The following ST8SIA6 variants were observed in gnomAD, a reference collection of about 807,000 sequenced individuals.
The protein encoded by ST8SIA6 is ST8 alpha-N-acetyl-neuraminide alpha-2,8-sialyltransferase 6.
In ST8SIA6, 39 loss-of-function variants were observed where a neutral mutation model predicts 33.6. That is an observed-to-expected ratio of 1.16 (90% CI 0.90 to 1.52). The LOEUF is 1.52. Ranked by LOEUF, ST8SIA6 falls within the 40% of genes most tolerant of loss-of-function variation. The pLI, the probability that ST8SIA6 is intolerant of heterozygous loss-of-function variation, is 0.00. For missense variants in ST8SIA6, 441 were observed against 443.8 expected (o/e 0.99, Z 0.06); for synonymous variants, 172 against 167.2 (o/e 1.03, Z -0.22).
intron 3 of ST8SIA6, among the ~76,000 whole-genome samples, chr10:17,378,200 C>T (rs1252164702): frequency 6.6e-6 from 1 of 152,206 alleles, no homozygotes; most frequent in Non-Finnish European, 1.5e-5. Flanking sequence ...CATTAGCATA[C>T]CGCAGTTAAC....
At chr10:17,347,524 G>T (rs550573467) in intron 4 of ST8SIA6, among the ~76,000 whole-genome samples, 1 of 152,042 alleles carries the variant, frequency 6.6e-6, no homozygotes, top group African/African-American at 2.4e-5. Flanking sequence ...ACGGGATCAC[G>T]TTGCAGAATC....
At chr10:17,376,378 G>C (rs1008004714) in intron 3 of ST8SIA6, among the ~76,000 whole-genome samples, 1 of 151,996 alleles carries the variant, frequency 6.6e-6, no homozygotes, top group African/African-American at 2.4e-5. Flanking sequence ...AGACTTCCGA[G>C]AGCTTTTATT....
intron 2 of ST8SIA6, among the ~76,000 whole-genome samples, chr10:17,406,774 T>C (rs1851278608): frequency 2.0e-5 from 3 of 151,222 alleles, no homozygotes; most frequent in Non-Finnish European, 2.9e-5. Flanking sequence ...TCTACATTTC[T>C]GAAACCGAGG....
intron 3 of ST8SIA6, among the ~76,000 whole-genome samples, chr10:17,372,274 A>G (rs1004486226): frequency 1.3e-5 from 2 of 152,248 alleles, no homozygotes; most frequent in African/African-American, 4.8e-5. Flanking sequence ...TAAAATAAGT[A>G]ACAAAAAGTG....
intron 2 of ST8SIA6, among the ~76,000 whole-genome samples, 188 bp from the exon 3 acceptor site, chr10:17,390,808 A>AAAAAC (rs1314284025): frequency 2.0e-5 from 3 of 151,144 alleles, no homozygotes; most frequent in South Asian, 2.1e-4. Flanking sequence ...TGAAAAAAAA[A>AAAAAC]ACAAAAAACT....
chr10:17,370,133 A>G (rs1201808774), intron 3 of ST8SIA6, among the ~76,000 whole-genome samples: 1 of 151,868 alleles, frequency 6.6e-6, no homozygotes, highest in Non-Finnish European at 1.5e-5. Flanking sequence ...GGCGCCCGCC[A>G]CCACACCTGG....
rs534018432 is a variant in ST8SIA6, at chr10:17,333,521, G to A, written c.378-1969C>T. ...ACAAGGCTACAGTAACCAAAACAGC[G>A]TGGTACTGGTACCAAAACAGAGAGA... On this transcript the variant is annotated intron_variant, in intron 4 of 7. Transcript: ENST00000377602. 8.2e-4 allele frequency among the ~76,000 whole-genome samples: 124 copies of A among 150,838 alleles called. 2 individuals are homozygous for A. The highest frequency in any genetic ancestry group is 4.8e-3 in the Admixed American group (73 of 15,122).
intron 2 of ST8SIA6, among the ~76,000 whole-genome samples, chr10:17,400,778 C>A (rs1173651037): frequency 2.0e-5 from 3 of 152,118 alleles, no homozygotes; most frequent in African/African-American, 4.8e-5. Context: ...TGGGACATAT[C>A]TCAAAATAAT....
chr10:17,327,368 C>G (rs1301896410), intron 5 of ST8SIA6, among the ~76,000 whole-genome samples: 1 of 151,150 alleles, frequency 6.6e-6, no homozygotes, highest in Non-Finnish European at 1.5e-5. Context: ...GGGTGGATCA[C>G]AAGGTCAGGA....
At chr10:17,447,823 AT>A (rs1588937543) in intron 2 of ST8SIA6, among the ~76,000 whole-genome samples, 1 of 151,820 alleles carries the variant, frequency 6.6e-6, no homozygotes, top group Non-Finnish European at 1.5e-5. Flanking sequence ...TTTAAAAAAA[AT>A]TTTTTTTTGA....
intron 4 of ST8SIA6, among the ~76,000 whole-genome samples, chr10:17,348,221 CTTTTTTT>C (rs202024746): frequency 1.5e-5 from 2 of 131,832 alleles, no homozygotes; most frequent in African/African-American, 2.8e-5. Flanking sequence ...GAGTAGGAAC[CTTTTTTT>C]TTTTTTTTTT....
chr10:17,345,930 T>C (rs768973510), intron 4 of ST8SIA6, among the ~76,000 whole-genome samples: 17 of 152,146 alleles, frequency 1.1e-4, no homozygotes, highest in Non-Finnish European at 2.2e-4. Flanking sequence ...AACCTAAAAT[T>C]CCTCCGCTTG....
At chr10:17,361,357 G>A (rs1050741807) in intron 3 of ST8SIA6, among the ~76,000 whole-genome samples, 2 of 151,980 alleles carry the variant, frequency 1.3e-5, no homozygotes, top group African/African-American at 4.8e-5. Flanking sequence ...AACATTAAAA[G>A]TATAATAACT....
intron 2 of ST8SIA6, among the ~76,000 whole-genome samples, chr10:17,428,138 AAT>A (rs1851992788): frequency 6.6e-6 from 1 of 152,234 alleles, no homozygotes; most frequent in Admixed American, 6.5e-5. Flanking sequence ...AATCTCCCTC[AAT>A]GCCCATTTCT....
intron 2 of ST8SIA6, among the ~76,000 whole-genome samples, chr10:17,405,710 T>C (rs1588894756): frequency 1.3e-5 from 2 of 151,498 alleles, no homozygotes; most frequent in Non-Finnish European, 2.9e-5. Flanking sequence ...GGCAAAACCC[T>C]GTCTCTACTA....
chr10:17,333,426 A>G (rs1848363641), intron 4 of ST8SIA6, among the ~76,000 whole-genome samples: 2 of 151,766 alleles, frequency 1.3e-5, no homozygotes, highest in African/African-American at 4.8e-5. Context: ...AAGAGCCCAT[A>G]TAGCCAAGAC....
At chr10:17,453,398 C>T (rs183674488) in intron 2 of ST8SIA6, among the ~76,000 whole-genome samples, 161 bp downstream of exon 2, 305 of 151,990 alleles carry the variant, frequency 2.0e-3, no homozygotes, top group African/African-American at 7.0e-3. Context: ...AAGGGTGCCC[C>T]CCCCCAACCC....
At chr10:17,401,917 T>C (rs562025949) in intron 2 of ST8SIA6, among the ~76,000 whole-genome samples, 3,201 of 149,946 alleles carry the variant, frequency 0.021, 37 homozygotes, top group South Asian at 0.039. Context: ...GCAACAAAAG[T>C]CAAAATTGAC....
intron 3 of ST8SIA6, among the ~76,000 whole-genome samples, chr10:17,385,202 A>G (rs189497155): frequency 4.6e-5 from 7 of 152,300 alleles, no homozygotes; most frequent in Admixed American, 2.6e-4. Flanking sequence ...ATAGATGCGT[A>G]TCTGATGGCC....
Sources: gnomAD v4.1 joint callset for allele counts (sites outside exome capture counted in the v4.1 genomes callset) on GRCh38, gnomAD v4.1.1 for gene constraint, MANE v1.5 for transcripts, NCBI Gene and HGNC (gene_info 2026-07-23, HGNC 2026-07-21) for gene names.